The following GPR75 variants were observed in gnomAD, a reference collection of about 807,000 sequenced individuals.
GPR75 encodes the protein probable G protein-coupled receptor 75.
Under a neutral mutation model 26.0 loss-of-function variants are expected in GPR75, and 27 were observed. The observed-to-expected ratio is 1.04, with a 90% CI of 0.77 to 1.43. GPR75 has a LOEUF of 1.43. Ranked by LOEUF, GPR75 falls within the 40% of genes most tolerant of loss-of-function variation. GPR75 has a pLI of 0.00. For synonymous variants in GPR75, 285 were observed against 256.3 expected, an observed-to-expected ratio of 1.11 and a Z score of -1.07; for missense variants, 699 against 662.3, an observed-to-expected ratio of 1.06 and a Z score of -0.61.
In GPR75 at chr2:53,854,452, G is replaced by A. The variant is rs750670293; in HGVS notation, c.305C>T (p.Thr102Ile). ...GGCTGAGCTGAAGAATAACACAAAG[G>A]TGAACATGGGGGCTGTCACTCCACA... is the stretch of plus-strand genomic sequence containing the variant. ...FICGVTAPMF[T>I]FVLFFSSASS... The change falls in exon 2 of 2, where the codon ACC becomes ATC. Residue 102 changes from threonine (T) to isoleucine (I), a missense_variant. Thr to Ile is a moderately conservative substitution (Grantham distance 89). Transcript: ENST00000394705. 1.2e-6 allele frequency: 2 copies of A among 1,614,164 alleles called. No individual in the cohort carries two copies. Among genetic ancestry groups the A allele is most frequent in the Admixed American group, 1.7e-5 (1 of 60,022 alleles).
intron 1 of GPR75, among the ~76,000 whole-genome samples, chr2:53,858,420 C>G (rs887174349): frequency 3.3e-5 from 5 of 151,244 alleles, no homozygotes; most frequent in African/African-American, 1.2e-4. Flanking sequence ...CACACACACA[C>G]ACACACACAC....
rs1247785479 is a variant in GPR75 at position 53,853,961 on chromosome 2, A to G, written c.796T>C (p.Cys266Arg). The G allele has an allele frequency of 1.9e-6, 3 of 1,613,978 alleles. No individual in the cohort carries two copies. Among genetic ancestry groups the G allele is most frequent in the African/African-American group, 2.7e-5 (2 of 74,898 alleles). Residue 266 changes from cysteine (C) to arginine (R), a missense_variant, in exon 2 of 2, where the codon TGT (cysteine) becomes CGT (arginine). Cys to Arg is a radical substitution (Grantham distance 180). Coordinates refer to ENST00000394705, the MANE Select transcript of GPR75 (RefSeq NM_006794.4). ...PVQGGGDPIQCAMPALYRNQN... is the reference protein window; with the variant it reads ...PVQGGGDPIQRAMPALYRNQN... The stretch of plus-strand genomic sequence containing the variant: ...TTCCTATACAGAGCCGGCATGGCAC[A>G]CTGGATGGGATCTCCACCTCCCTGC...
rs1272549866 is a variant in GPR75 at position 53,858,367 on chromosome 2, A to G, written c.-110+1461T>C. 2.6e-5 allele frequency among the ~76,000 whole-genome samples: 4 copies of G among 151,238 alleles called. No individual in the cohort carries two copies. In the Admixed American group the frequency reaches 2.7e-4, roughly 10 times the overall value. On this transcript the variant is annotated intron_variant, in intron 1 of 1. Coordinates refer to ENST00000394705, the MANE Select transcript of GPR75 (RefSeq NM_006794.4). ...TGGAATCCGAAATTCTGATACACCT[A>G]TATAGCTATATCTACATCTATGTAG...
chr2:53,853,267 G>A lies in GPR75; in HGVS notation c.1490C>T (p.Pro497Leu). Residue 497 changes from proline (P) to leucine (L), a missense_variant, in exon 2 of 2, where the codon CCA becomes CTA. Transcript: ENST00000394705. ...NSSPSQEESSPCNLQPVNSFG... is the reference protein window; with the variant it reads ...NSSPSQEESSLCNLQPVNSFG... ...AGAGTTTACTGGCTGTAAGTTACAT[G>A]GGCTGCTCTCCTCCTGGGAAGGGCT... is the stretch of plus-strand genomic sequence containing the variant. 1 of 1,614,082 alleles carries A rather than the reference G, an allele frequency of 6.2e-7. No homozygotes were observed. The highest frequency in any genetic ancestry group is 8.5e-7 in the Non-Finnish European group (1 of 1,179,980).
At position 53,854,160 on chromosome 2, in the gene GPR75, T is replaced by C. The variant is rs1678165405; in HGVS notation, c.597A>G (p.Lys199=). 1.2e-6 allele frequency: 2 copies of C among 1,614,034 alleles called. No homozygotes were observed. Among genetic ancestry groups the C allele is most frequent in the Non-Finnish European group, 1.7e-6 (2 of 1,179,944 alleles). ...CLPMSSLIAG[K]GKAILSLYVV... is the part of the protein sequence containing the mutation. ...CATAGAGAGACAAAATGGCTTTCCC[T>C]TTTCCAGCAATCAGACTGGACATGG... The change falls in exon 2 of 2, where the codon AAA becomes AAG. Residue 199 remains lysine (K), a synonymous_variant. Transcript: ENST00000394705.
Position 53,854,471 on chromosome 2 carries a change from C to A in GPR75, c.286G>T (p.Val96Leu). The A allele has an allele frequency of 6.2e-7, 1 of 1,614,174 alleles. No individual in the cohort carries two copies. Among genetic ancestry groups the A allele is most frequent in the Non-Finnish European group, 8.5e-7 (1 of 1,180,032 alleles). The change falls in exon 2 of 2, where the codon GTG becomes TTG. Residue 96 changes from valine (V) to leucine (L), a missense_variant. Transcript: ENST00000394705. ...LSFCDLFICG[V>L]TAPMFTFVLF... Reference sequence around the variant, plus strand: ...ACAAAGGTGAACATGGGGGCTGTCACTCCACAAATGAAGAGGTCACAGAAG... The same window carrying A: ...ACAAAGGTGAACATGGGGGCTGTCAATCCACAAATGAAGAGGTCACAGAAG...
rs1678161143 is a variant in GPR75 at position 53,854,038 on chromosome 2, G to T, written c.719C>A (p.Pro240His). The T allele has an allele frequency of 1.2e-6, 2 of 1,614,152 alleles. No homozygotes were observed. The highest frequency in any genetic ancestry group is 1.7e-6 in the Non-Finnish European group (2 of 1,179,994). The change falls in exon 2 of 2, where the codon CCT (proline) becomes CAT (histidine). Residue 240 changes from proline to histidine, a missense_variant. Physicochemically the swap from Pro to His is moderately conservative, Grantham distance 77 (BLOSUM62 -2). Transcript: ENST00000394705. ...RKNAQVRKCP[P>H]VITVDASRPQ... ...TCTGGAAGCATCGACTGTGATTACA[G>T]GGGGGCACTTTCTGACTTGAGCGTT...
At position 53,853,524 on chromosome 2, in the gene GPR75, T is replaced by C; in HGVS notation, c.1233A>G (p.Gly411=). Residue 411 remains glycine, a synonymous_variant, in exon 2 of 2, where the codon GGA becomes GGG. Transcript: ENST00000394705. ...TTCTGTTGACTTCGAGGTTCCCTTT[T>C]CCCATGGCTCGAAGTCGAGTCTTTT... is the stretch of plus-strand genomic sequence containing the variant. The part of the protein sequence containing the change: ...CKQKTRLRAM[G]KGNLEVNRNK... 1 of 1,614,172 alleles carries C rather than the reference T, an allele frequency of 6.2e-7. No individual in the cohort carries two copies. Among genetic ancestry groups the C allele is most frequent in the Non-Finnish European group, 8.5e-7 (1 of 1,180,026 alleles).
intron 1 of GPR75, among the ~76,000 whole-genome samples, chr2:53,857,303 A>C (rs1678258293): frequency 6.6e-6 from 1 of 152,144 alleles, no homozygotes; most frequent in African/African-American, 2.4e-5. Flanking sequence ...AAAAGTTGCT[A>C]ACAGGAGTAT....
intron 1 of GPR75, among the ~76,000 whole-genome samples, chr2:53,855,829 T>C (rs1678212397): frequency 6.6e-6 from 1 of 152,212 alleles, no homozygotes; most frequent in Non-Finnish European, 1.5e-5. Context: ...ATTTATAATT[T>C]TTCCCCCAGC....
Position 53,859,828 on chromosome 2 carries a change from C to T in GPR75, c.-110G>A. On this transcript the variant is annotated splice_region_variant and 5_prime_UTR_variant, in exon 1 of 2. Coordinates refer to ENST00000394705, the MANE Select transcript of GPR75 (RefSeq NM_006794.4). ...CCTCCAGGGGCCCGCGGCCTCTCAC[C>T]TGCCGGGTGGCCGCAGCGCCGCCCC... is the stretch of plus-strand genomic sequence containing the variant. 1 of 1,531,250 alleles carries T rather than the reference C, an allele frequency of 6.5e-7. No individual in the cohort carries two copies. 94.9% of individuals were successfully genotyped at this position (1,531,250 alleles called of 1,614,324 possible). A position where few individuals can be genotyped will look rare whatever the true frequency, so the allele number is the denominator to read the frequency against.
Position 53,853,155 on chromosome 2 carries a change from C to G in GPR75, c.1602G>C (p.Gln534His), listed in dbSNP as rs1678132311. 7 of 1,613,570 alleles carry G rather than the reference C, an allele frequency of 4.3e-6. No individual in the cohort carries two copies. The highest frequency in any genetic ancestry group is 4.2e-6 in the Non-Finnish European group (5 of 1,179,532). Reference protein sequence around the residue: ...VQEYDSTSAKQIPVPSV With the variant: ...VQEYDSTSAKHIPVPSV ...GACTTTAAACGGAGGGGACTGGAAT[C>G]TGCTTGGCTGAAGTGCTGTCATATT... The change falls in exon 2 of 2, where the codon CAG becomes CAC. Residue 534 changes from glutamine to histidine, a missense_variant. Coordinates refer to ENST00000394705, the MANE Select transcript of GPR75 (RefSeq NM_006794.4).
Position 53,854,069 on chromosome 2 carries a change from G to T in GPR75, c.688C>A (p.Arg230=). 6.2e-7 allele frequency: 1 copy of T among 1,614,162 alleles called. No individual in the cohort carries two copies. Among genetic ancestry groups the T allele is most frequent in the South Asian group, 1.1e-5 (1 of 91,082 alleles). ...CACTTTCTGACTTGAGCGTTCTTCC[G>T]CAGGGTCTGAGCAATCATGATGTAA... ...VSYIMIAQTL[R]KNAQVRKCPP... The change falls in exon 2 of 2, where the codon CGG becomes AGG. Residue 230 remains arginine, a synonymous_variant. Coordinates refer to ENST00000394705, the MANE Select transcript of GPR75 (RefSeq NM_006794.4).
chr2:53,855,086 G>C (rs1452444683), intron 1 of GPR75, among the ~76,000 whole-genome samples: 1 of 151,628 alleles, frequency 6.6e-6, no homozygotes, highest in Non-Finnish European at 1.5e-5. Flanking sequence ...TTCCCAAGTA[G>C]CTGGGACTAC....
Position 53,853,463 on chromosome 2 carries a change from T to A in GPR75, c.1294A>T (p.Met432Leu), listed in dbSNP as rs529842200. 32 of 1,614,040 alleles carry A rather than the reference T, an allele frequency of 2.0e-5. No individual in the cohort carries two copies. In the South Asian group the frequency reaches 3.0e-4, roughly 15 times the overall value. Residue 432 changes from methionine (M) to leucine (L), a missense_variant, in exon 2 of 2, where the codon ATG becomes TTG. By Grantham distance (15) the Met-to-Leu change is conservative. Transcript: ENST00000394705. ...TTCTTCTGTGGCTTTGGAGATAACA[T>A]GTAGGCAGAGTTTGTTTCATGATGG... Reference protein sequence around the residue: ...SSHHETNSAYMLSPKPQKKFV... With the variant: ...SSHHETNSAYLLSPKPQKKFV...
At chr2:53,859,449 C>T (rs1300348540) in intron 1 of GPR75, among the ~76,000 whole-genome samples, 4 of 152,094 alleles carry the variant, frequency 2.6e-5, no homozygotes, top group South Asian at 2.1e-4. Context: ...TGGGAAACTG[C>T]GGGCAGGGAA....
At chr2:53,854,890 A>G in intron 1 of GPR75, 25 bp from the exon 2 acceptor site, 1 of 657,478 alleles carries the variant, frequency 1.5e-6, no homozygotes, top group East Asian at 2.5e-5. Flanking sequence ...GCACACCCAG[A>G]AACAGAAAGG....
intron 1 of GPR75, among the ~76,000 whole-genome samples, chr2:53,858,536 A>G (rs1678293919): frequency 6.6e-6 from 1 of 152,140 alleles, no homozygotes; most frequent in African/African-American, 2.4e-5. Flanking sequence ...TGGGCTGGGA[A>G]GAGAAAAGGG....
intron 1 of GPR75, 32 bp downstream of exon 1, chr2:53,859,796 T>C: frequency 6.0e-6 from 9 of 1,494,258 alleles, no homozygotes; most frequent in Non-Finnish European, 7.2e-6. Context: ...CATCGTGGGG[T>C]TGTCCTCCTC....
Sources: allele counts gnomAD v4.1 joint callset (sites outside exome capture counted in the v4.1 genomes callset), GRCh38; gene constraint gnomAD v4.1.1; transcripts MANE v1.5; gene names NCBI Gene and HGNC (gene_info 2026-07-23, HGNC 2026-07-21).